Variants in FAM135A observed in about 807,000 individuals in gnomAD.
FAM135A encodes the protein family with sequence similarity 135 member A, also known as protein FAM135A.
FAM135A carries 79 observed loss-of-function variants against 146.8 expected under a neutral mutation model. The observed-to-expected ratio is 0.54, with a 90% confidence interval of 0.45 to 0.65. FAM135A has a LOEUF of 0.65. FAM135A is among the 30% of genes least tolerant of loss of function. The pLI is 0.00. For missense variants in FAM135A, 1,623 were observed against 1,758.2 expected (o/e 0.92, Z 1.38); for synonymous variants, 562 against 603.6 (o/e 0.93, Z 1.01).
chr6:70,416,115 G>A (rs1767495670), intron 2 of FAM135A, among the ~76,000 whole-genome samples: 1 of 152,128 alleles, frequency 6.6e-6, no homozygotes. Context: ...CTTTTCTAAT[G>A]TACTAGATAG....
At chr6:70,477,465 C>A in intron 8 of FAM135A, 133 bp downstream of exon 8, 2 of 926,870 alleles carry the variant, frequency 2.2e-6, no homozygotes, top group South Asian at 4.3e-5. Flanking sequence ...AAGCATGATG[C>A]TGGCATCTGC....
intron 16 of FAM135A, among the ~76,000 whole-genome samples, chr6:70,529,787 G>A (rs897370023): frequency 1.3e-5 from 2 of 152,124 alleles, no homozygotes; most frequent in African/African-American, 4.8e-5. Flanking sequence ...AATGGGCCGG[G>A]CGCTGTGGCT....
intron 9 of FAM135A, among the ~76,000 whole-genome samples, chr6:70,481,732 C>G (rs539735698): frequency 3.9e-4 from 60 of 151,910 alleles, no homozygotes; most frequent in African/African-American, 1.4e-3. Flanking sequence ...GTCTGTCCTT[C>G]AGTCTAAATG....
chr6:70,475,733 C>T lies in FAM135A; in HGVS notation c.368C>T (p.Ser123Leu), dbSNP rs149122763. 8.7e-6 allele frequency: 14 copies of T among 1,602,620 alleles called. No individual in the cohort carries two copies. In the East Asian group the frequency reaches 9.0e-5, roughly 10 times the overall value. Residue 123 changes from serine to leucine, a missense_variant and splice_region_variant, in exon 7 of 22, where the codon TCG becomes TTG. Ser to Leu is a moderately radical substitution (Grantham distance 145). Transcript: ENST00000418814. ...LDLHFTDGDYSADDLNALQLI... is the reference protein window; with the variant it reads ...LDLHFTDGDYLADDLNALQLI... Reference sequence around the variant, plus strand: ...CTACACTTCACAGATGGAGATTATTCGTAAGTAGCTAATCAATTAAAAAAC... The same window carrying T: ...CTACACTTCACAGATGGAGATTATTTGTAAGTAGCTAATCAATTAAAAAAC...
chr6:70,466,535 T>C (rs1048547229), intron 5 of FAM135A, among the ~76,000 whole-genome samples: 1 of 152,238 alleles, frequency 6.6e-6, no homozygotes, highest in Non-Finnish European at 1.5e-5. Flanking sequence ...ACCTGAAAGG[T>C]TTTAAGACTC....
intron 19 of FAM135A, 111 bp downstream of exon 19, chr6:70,536,522 G>A (rs951645888): frequency 3.8e-5 from 34 of 885,452 alleles, no homozygotes; most frequent in Middle Eastern, 3.9e-4. Flanking sequence ...TGGAAATTTC[G>A]TGAAATAAAA....
At chr6:70,505,328 T>C (rs1487660936) in intron 12 of FAM135A, among the ~76,000 whole-genome samples, 2 of 152,150 alleles carry the variant, frequency 1.3e-5, no homozygotes, top group Non-Finnish European at 2.9e-5. Context: ...GCATAACAGC[T>C]TTTTCCAAGA....
intron 20 of FAM135A, among the ~76,000 whole-genome samples, chr6:70,554,113 G>C (rs139808267): frequency 2.0e-5 from 3 of 152,232 alleles, no homozygotes; most frequent in South Asian, 2.1e-4. Context: ...TTGAGGAGCA[G>C]ATACAAAAAT....
In FAM135A at chr6:70,458,312, A is replaced by G. The variant is rs112415248; in HGVS notation, c.157+5741A>G. Among the ~76,000 whole-genome samples, 843 of 152,298 alleles carry G rather than the reference A, an allele frequency of 5.5e-3. 5 individuals are homozygous for G. Among genetic ancestry groups the G allele is most frequent in the African/African-American group, 0.019 (792 of 41,576 alleles). ...TTCAAAATAGCAAATTTTACCTGTC[A>G]TGTCTGAAATGTGCTAACAAATATG... On this transcript the variant is annotated intron_variant, in intron 5 of 21. Transcript: ENST00000418814.
chr6:70,512,492 GT>G (rs1240491806), intron 12 of FAM135A, among the ~76,000 whole-genome samples: 1 of 151,702 alleles, frequency 6.6e-6, no homozygotes, highest in Non-Finnish European at 1.5e-5. Context: ...ACGTATGAGA[GT>G]TTCAGTTGTT....
chr6:70,507,109 AC>A lies in FAM135A; in HGVS notation c.1029+4322del, dbSNP rs372329557. On this transcript the variant is annotated intron_variant, in intron 12 of 21. Coordinates refer to ENST00000418814, the MANE Select transcript of FAM135A (RefSeq NM_001162529.3). ...TTTTACCTAGCGCTTCCCTTTTCTC[AC>A]CCCATTCCAGATACCAAGATAGGGC... Among the ~76,000 whole-genome samples, 567 of 152,194 alleles carry A rather than the reference AC, an allele frequency of 3.7e-3. 3 individuals are homozygous for A. The highest frequency in any genetic ancestry group is 0.013 in the African/African-American group (535 of 41,560).
chr6:70,548,769 T>C (rs995503416), intron 20 of FAM135A, among the ~76,000 whole-genome samples: 6 of 152,086 alleles, frequency 3.9e-5, no homozygotes, highest in African/African-American at 1.4e-4. Context: ...ATCTGGCAAA[T>C]ACATAATTCA....
chr6:70,439,890 T>TC (rs1010101589), intron 4 of FAM135A, among the ~76,000 whole-genome samples: 7 of 152,256 alleles, frequency 4.6e-5, no homozygotes, highest in African/African-American at 1.7e-4. Context: ...CACCTGTTGT[T>TC]CCCCCCAGCT....
chr6:70,505,882 T>C (rs73746043), intron 12 of FAM135A, among the ~76,000 whole-genome samples: 3,349 of 152,266 alleles, frequency 0.022, 124 homozygotes, highest in African/African-American at 0.076. Context: ...TGTTGTTTTA[T>C]AGGACTTTTT....
chr6:70,553,099 T>A (rs1254044740), intron 20 of FAM135A, among the ~76,000 whole-genome samples: 1 of 152,174 alleles, frequency 6.6e-6, no homozygotes, highest in African/African-American at 2.4e-5. Context: ...ATTATATTTT[T>A]AAAGCACAAT....
intron 4 of FAM135A, among the ~76,000 whole-genome samples, chr6:70,444,402 CAAAA>C (rs927378541): frequency 1.4e-5 from 2 of 138,112 alleles, no homozygotes; most frequent in Non-Finnish European, 3.0e-5. Flanking sequence ...GTCTGTGTCT[CAAAA>C]AAATAAATAA....
At chr6:70,521,594 G>A (rs968255796) in intron 12 of FAM135A, among the ~76,000 whole-genome samples, 2 of 152,088 alleles carry the variant, frequency 1.3e-5, no homozygotes, top group Non-Finnish European at 2.9e-5. Context: ...AAGTAAAATA[G>A]GTCTCTAATT....
chr6:70,503,980 C>G (rs1561929548), intron 12 of FAM135A: 1 of 152,164 alleles, frequency 6.6e-6, no homozygotes, highest in Non-Finnish European at 1.5e-5. Context: ...CCTGGCATAC[C>G]AGTTTCTCTG....
rs550389479 is a variant in FAM135A, at chr6:70,555,133, G to A, written c.4229-1617G>A. On this transcript the variant is annotated intron_variant, in intron 20 of 21. Coordinates refer to ENST00000418814, the MANE Select transcript of FAM135A (RefSeq NM_001162529.3). ...GTTTTCCAGAGACTTTTATACCCTA[G>A]GGCCATATACCTTAATAAGATCTGA... is the stretch of plus-strand genomic sequence containing the variant. 6.6e-4 allele frequency among the ~76,000 whole-genome samples: 101 copies of A among 152,100 alleles called. 1 individual carries two copies. Among genetic ancestry groups the A allele is most frequent in the Admixed American group, 2.1e-3 (32 of 15,280 alleles).
Sources: allele counts gnomAD v4.1 joint callset (sites outside exome capture counted in the v4.1 genomes callset), GRCh38; gene constraint gnomAD v4.1.1; transcripts MANE v1.5; gene names NCBI Gene and HGNC (gene_info 2026-07-23, HGNC 2026-07-21).